Variants in SLC9C2 observed in about 807,000 individuals in gnomAD.
SLC9C2 encodes solute carrier family 9 member C2 (putative).
In SLC9C2, 75 loss-of-function variants were observed where a neutral mutation model predicts 140.2. The observed-to-expected ratio is 0.53, with a 90% CI of 0.44 to 0.65. The LOEUF is 0.65. SLC9C2 is among the 30% of genes least tolerant of loss of function. The probability of loss-of-function intolerance (pLI) is 0.00; values close to 1 mark genes in which losing one functional copy is unlikely to be tolerated. For synonymous variants in SLC9C2, 375 were observed against 420.9 expected, an observed-to-expected ratio of 0.89 and a Z score of 1.34; for missense variants, 1,074 against 1,331.8, an observed-to-expected ratio of 0.81 and a Z score of 3.01.
chr1:173,573,259 T>C lies in SLC9C2; in HGVS notation c.969A>G (p.Gly323=). ...ATTCATAGTGGCTGAGTTCTCCACA[T>C]CCAATCACAATGCCAAAGAAAGCAT... is the stretch of plus-strand genomic sequence containing the variant. The part of the protein sequence containing the change: ...LIYAFFGIVI[G]CGELSHYEFH... Residue 323 remains glycine, a synonymous_variant, in exon 9 of 28, where the codon GGA becomes GGG. Transcript: ENST00000367714. 6.3e-7 allele frequency: 1 copy of C among 1,583,084 alleles called. No homozygotes were observed. The highest frequency in any genetic ancestry group is 8.7e-7 in the Non-Finnish European group (1 of 1,153,092).
At chr1:173,570,427 C>T (rs1197528529) in intron 9 of SLC9C2, among the ~76,000 whole-genome samples, 1 of 152,006 alleles carries the variant, frequency 6.6e-6, no homozygotes, top group Non-Finnish European at 1.5e-5. Flanking sequence ...ATCCAAGATG[C>T]AGGACAAAGT....
At chr1:173,561,545 G>C (rs576400168) in intron 9 of SLC9C2, among the ~76,000 whole-genome samples, 2 of 152,064 alleles carry the variant, frequency 1.3e-5, no homozygotes, top group African/African-American at 4.8e-5. Context: ...CTTCACACTG[G>C]GGGGAAGCTT....
chr1:173,533,479 A>G (rs1661729519), intron 17 of SLC9C2, 130 bp downstream of exon 17: 1 of 634,600 alleles, frequency 1.6e-6, no homozygotes, highest in African/African-American at 1.9e-5. Context: ...GGGTCTTGCT[A>G]TGTTACCCAG....
chr1:173,549,421 G>A (rs923240419), intron 11 of SLC9C2, among the ~76,000 whole-genome samples: 4 of 152,170 alleles, frequency 2.6e-5, no homozygotes, highest in African/African-American at 9.7e-5. Flanking sequence ...AAATTCCCAT[G>A]GCTAAGACCA....
chr1:173,561,543 TG>T (rs572158585), intron 9 of SLC9C2, among the ~76,000 whole-genome samples: 11 of 152,068 alleles, frequency 7.2e-5, no homozygotes, highest in African/African-American at 2.7e-4. Flanking sequence ...CTCTTCACAC[TG>T]GGGGGAAGCT....
Position 173,501,076 on chromosome 1 carries a change from TA to T in SLC9C2, c.*17del. 1 of 1,533,718 alleles carries T rather than the reference TA, an allele frequency of 6.5e-7. No homozygotes were observed. Among genetic ancestry groups the T allele is most frequent in the Non-Finnish European group, 8.8e-7 (1 of 1,140,732 alleles). The stretch of plus-strand genomic sequence containing the variant: ...TATTTGTATCATTAATACCCTTTTC[TA>T]AAATGGTATCCAGTTTTCAACTATA... On this transcript the variant is annotated 3_prime_UTR_variant, in exon 28 of 28. Transcript: ENST00000367714.
intron 21 of SLC9C2, among the ~76,000 whole-genome samples, chr1:173,523,119 C>G (rs1660942681): frequency 6.6e-6 from 1 of 152,146 alleles, no homozygotes; most frequent in South Asian, 2.1e-4. Context: ...CACCTGTAAT[C>G]CCAGCACTTT....
At chr1:173,587,156 A>G (rs917908220) in intron 5 of SLC9C2, among the ~76,000 whole-genome samples, 2 of 152,164 alleles carry the variant, frequency 1.3e-5, no homozygotes, top group African/African-American at 4.8e-5. Flanking sequence ...TGAGTAATAC[A>G]TTTGAGTGCC....
chr1:173,508,695 T>C (rs1176981073), intron 24 of SLC9C2, among the ~76,000 whole-genome samples: 1 of 152,214 alleles, frequency 6.6e-6, no homozygotes, highest in Non-Finnish European at 1.5e-5. Flanking sequence ...TGAATATTAC[T>C]GAACTTCCAA....
In SLC9C2 at chr1:173,524,891, GC is replaced by G; in HGVS notation, c.2401del (p.Ala801LeufsTer2). ...MEHEGRDVVI[A>X]LKTKQAIRNV... ...CCGGATTGCCTGTTTAGTCTTCAAA[GC>G]AATGACAACATCACGACCCTCATGC... is the stretch of plus-strand genomic sequence containing the variant. On this transcript the variant is annotated frameshift_variant, in exon 20 of 28. Coordinates refer to ENST00000367714, the MANE Select transcript of SLC9C2 (RefSeq NM_178527.4). LOFTEE classifies it high-confidence loss of function. 1 of 1,613,990 alleles carries G rather than the reference GC, an allele frequency of 6.2e-7. No homozygotes were observed. The highest frequency in any genetic ancestry group is 8.5e-7 in the Non-Finnish European group (1 of 1,179,960).
At chr1:173,524,746 G>A (rs778450750) in intron 20 of SLC9C2, 33 bp downstream of exon 20, 11 of 1,607,860 alleles carry the variant, frequency 6.8e-6, no homozygotes, top group Admixed American at 1.7e-5. Context: ...ATGAAGGCTG[G>A]GGTGTTATGC....
chr1:173,557,858 C>G (rs905075386), intron 9 of SLC9C2, among the ~76,000 whole-genome samples: 9 of 152,128 alleles, frequency 5.9e-5, no homozygotes, highest in African/African-American at 2.2e-4. Context: ...CCATACATGA[C>G]TGGATTCAAA....
At chr1:173,527,465 T>C (rs1031999860) in intron 18 of SLC9C2, among the ~76,000 whole-genome samples, 2 of 152,148 alleles carry the variant, frequency 1.3e-5, no homozygotes, top group Non-Finnish European at 2.9e-5. Context: ...AATGAGAAAA[T>C]ACGATATTGA....
At chr1:173,523,857 C>T in intron 21 of SLC9C2, 112 bp downstream of exon 21, 1 of 1,405,674 alleles carries the variant, frequency 7.1e-7, no homozygotes, top group Non-Finnish European at 9.5e-7. Flanking sequence ...TTTTGGCTTT[C>T]CCTGAATTGG....
chr1:173,583,082 T>C (rs1665648048), intron 6 of SLC9C2, among the ~76,000 whole-genome samples: 1 of 152,216 alleles, frequency 6.6e-6, no homozygotes, highest in Admixed American at 6.5e-5. Flanking sequence ...GGGCATTGGT[T>C]CCAGGAACCC....
chr1:173,595,734 A>G (rs781098668), intron 4 of SLC9C2, among the ~76,000 whole-genome samples: 13 of 152,240 alleles, frequency 8.5e-5, no homozygotes, highest in Non-Finnish European at 1.6e-4. Flanking sequence ...AAATAAAATG[A>G]TGAAATAATA....
At chr1:173,590,701 T>A (rs955489676) in intron 4 of SLC9C2, among the ~76,000 whole-genome samples, 1 of 152,132 alleles carries the variant, frequency 6.6e-6, no homozygotes, top group Non-Finnish European at 1.5e-5. Context: ...GTATGTTCTA[T>A]CTGATAACAG....
intron 9 of SLC9C2, among the ~76,000 whole-genome samples, chr1:173,568,686 G>A (rs746552184): frequency 8.5e-5 from 13 of 152,098 alleles, no homozygotes; most frequent in Non-Finnish European, 1.5e-4. Flanking sequence ...TCCTCTTTTA[G>A]CTCTTTGAGG....
At chr1:173,534,241 T>C (rs929118884) in intron 16 of SLC9C2, among the ~76,000 whole-genome samples, 1 of 152,112 alleles carries the variant, frequency 6.6e-6, no homozygotes, top group Non-Finnish European at 1.5e-5. Flanking sequence ...TCAATTCTCC[T>C]TTACCTGATC....
Sources: allele counts gnomAD v4.1 joint callset (sites outside exome capture counted in the v4.1 genomes callset), GRCh38; gene constraint gnomAD v4.1.1; transcripts MANE v1.5; gene names NCBI Gene and HGNC (gene_info 2026-07-23, HGNC 2026-07-21).